Variants in LAMA2 observed in about 807,000 individuals in gnomAD.
The protein encoded by LAMA2 is laminin subunit alpha-2.
In LAMA2, 269 loss-of-function variants were observed where a neutral mutation model predicts 364.8. The observed-to-expected ratio is 0.74, with a 90% CI of 0.67 to 0.82. The LOEUF is 0.82. Among genes scored for constraint, LAMA2 ranks in the 40% least tolerant of loss-of-function variants. The pLI is 0.00. For missense variants in LAMA2, 3,807 were observed against 3,873.2 expected, an observed-to-expected ratio of 0.98 and a Z score of 0.45; for synonymous variants, 1,379 against 1,370.6, an observed-to-expected ratio of 1.01 and a Z score of -0.14.
chr6:129,292,558 C>T (rs896143383), intron 20 of LAMA2, among the ~76,000 whole-genome samples: 1 of 152,108 alleles, frequency 6.6e-6, no homozygotes, highest in South Asian at 2.1e-4. Context: ...CTGAACATAC[C>T]GATTGCCCTG....
At chr6:129,052,321 T>C (rs1788121458) in intron 2 of LAMA2, among the ~76,000 whole-genome samples, 2 of 150,112 alleles carry the variant, frequency 1.3e-5, no homozygotes, top group African/African-American at 4.9e-5. Flanking sequence ...TTTTTTTTTT[T>C]GTATTTTTAG....
chr6:129,145,893 A>G (rs531330216), intron 5 of LAMA2, among the ~76,000 whole-genome samples: 25 of 151,998 alleles, frequency 1.6e-4, no homozygotes, highest in Non-Finnish European at 3.2e-4. Context: ...TTTTAAGCAA[A>G]TATCTCTATT....
chr6:129,218,289 A>G (rs1441518337), intron 12 of LAMA2, among the ~76,000 whole-genome samples: 4 of 152,144 alleles, frequency 2.6e-5, no homozygotes, highest in African/African-American at 9.7e-5. Context: ...AACGCATTTT[A>G]CTCATCTTGT....
Position 129,287,841 on chromosome 6 carries a change from C to T in LAMA2, c.2538-6C>T. On this transcript the variant is annotated splice_polypyrimidine_tract_variant and splice_region_variant and intron_variant, in intron 18 of 64. Transcript: ENST00000421865. ...AAAGGCTCACTGATGAAATTTCTTG[C>T]CTTAGGTGTGCAGAAGGCTATTTTG... 1 of 1,613,148 alleles carries T rather than the reference C, an allele frequency of 6.2e-7. No homozygotes were observed. The highest frequency in any genetic ancestry group is 1.1e-5 in the South Asian group (1 of 91,062).
At chr6:129,100,298 T>A (rs1205775588) in intron 4 of LAMA2, among the ~76,000 whole-genome samples, 1 of 152,184 alleles carries the variant, frequency 6.6e-6, no homozygotes, top group African/African-American at 2.4e-5. Flanking sequence ...TGCTTATTGA[T>A]GGTAACTATT....
intron 3 of LAMA2, among the ~76,000 whole-genome samples, chr6:129,084,396 TTG>T (rs1194638818): frequency 6.7e-6 from 1 of 148,724 alleles, no homozygotes; most frequent in Non-Finnish European, 1.5e-5. Flanking sequence ...GTCTGGTATA[TTG>T]TGTACTTTAA....
intron 8 of LAMA2, chr6:129,158,831 G>A (rs1395618431): frequency 1.9e-6 from 3 of 1,613,952 alleles, no homozygotes; most frequent in South Asian, 2.2e-5. Flanking sequence ...ACACCCTGAA[G>A]CTAATGTGGT....
At chr6:129,251,740 C>CT (rs989107008) in intron 13 of LAMA2, among the ~76,000 whole-genome samples, 2 of 152,040 alleles carry the variant, frequency 1.3e-5, no homozygotes, top group Admixed American at 1.3e-4. Flanking sequence ...TGAGACCAGA[C>CT]TGGCCAACAT....
chr6:129,362,146 G>A (rs1213088256), intron 32 of LAMA2, among the ~76,000 whole-genome samples: 1 of 151,996 alleles, frequency 6.6e-6, no homozygotes, highest in Non-Finnish European at 1.5e-5. Context: ...CAGTCATGGT[G>A]TTCTTTCCTC....
intron 18 of LAMA2, among the ~76,000 whole-genome samples, chr6:129,283,759 G>A (rs992305827): frequency 1.3e-5 from 2 of 151,276 alleles, no homozygotes; most frequent in African/African-American, 4.9e-5. Flanking sequence ...GTCTGAATTC[G>A]AATCAAGTCT....
chr6:129,005,067 A>T (rs1171366504), intron 1 of LAMA2, among the ~76,000 whole-genome samples: 1 of 152,234 alleles, frequency 6.6e-6, no homozygotes, highest in African/African-American at 2.4e-5. Context: ...GAAAAATTTT[A>T]CTTACTCTAA....
intron 41 of LAMA2, among the ~76,000 whole-genome samples, chr6:129,428,691 C>T (rs531810826): frequency 4.6e-4 from 70 of 152,156 alleles, no homozygotes; most frequent in African/African-American, 1.4e-3. Context: ...GTGATCCTCC[C>T]GCCTCGGCCT....
chr6:128,953,264 T>G (rs1290630148), intron 1 of LAMA2, among the ~76,000 whole-genome samples: 1 of 152,210 alleles, frequency 6.6e-6, no homozygotes, highest in Non-Finnish European at 1.5e-5. Context: ...ACCTGTTTCC[T>G]GGCGTTACTT....
chr6:129,445,527 C>A, intron 44 of LAMA2, 140 bp from the exon 45 acceptor site: 1 of 714,822 alleles, frequency 1.4e-6, no homozygotes. Flanking sequence ...TTTGCCATCA[C>A]ACATTTTGCT....
intron 15 of LAMA2, 96 bp from the exon 16 acceptor site, chr6:129,267,010 C>G: frequency 1.2e-6 from 1 of 812,932 alleles, no homozygotes; most frequent in Non-Finnish European, 2.2e-6. Context: ...AGTTTCCTAC[C>G]TGTTATTTTC....
intron 45 of LAMA2, among the ~76,000 whole-genome samples, chr6:129,449,510 C>T (rs534340265): frequency 6.6e-5 from 10 of 152,216 alleles, no homozygotes; most frequent in Non-Finnish European, 1.5e-4. Flanking sequence ...AAACACTTCC[C>T]AAAAGGCCCC....
At chr6:129,290,451 C>G (rs1789612545) in intron 19 of LAMA2, among the ~76,000 whole-genome samples, 1 of 152,070 alleles carries the variant, frequency 6.6e-6, no homozygotes, top group African/African-American at 2.4e-5. Flanking sequence ...ATAAATTAAG[C>G]AGTTTTTAGA....
chr6:129,215,527 T>G (rs970924305), intron 12 of LAMA2, among the ~76,000 whole-genome samples: 3 of 152,180 alleles, frequency 2.0e-5, no homozygotes, highest in Non-Finnish European at 4.4e-5. Flanking sequence ...TAAGCCCAGC[T>G]CATATCTATT....
chr6:129,305,385 T>C (rs1477318809), intron 22 of LAMA2, among the ~76,000 whole-genome samples: 1 of 151,718 alleles, frequency 6.6e-6, no homozygotes, highest in Non-Finnish European at 1.5e-5. Context: ...AGTGCAGTGG[T>C]GTGATCTCAG....
Sources: allele counts gnomAD v4.1 joint callset (sites outside exome capture counted in the v4.1 genomes callset), GRCh38; gene constraint gnomAD v4.1.1; transcripts MANE v1.5; gene names NCBI Gene and HGNC (gene_info 2026-07-23, HGNC 2026-07-21).